DCC: variants seen among roughly 807,000 people sequenced by gnomAD.
The protein encoded by DCC is netrin receptor DCC.
DCC carries 58 observed loss-of-function variants against 172.5 expected under a neutral mutation model. The observed-to-expected ratio is 0.34, with a 90% CI of 0.27 to 0.42. The LOEUF is 0.42. Among genes scored for constraint, DCC ranks in the 10% least tolerant of loss-of-function variants. DCC has a pLI of 1.00. For synonymous variants in DCC, 709 were observed against 644.5 expected (o/e 1.10, Z -1.52); for missense variants, 1,740 against 1,791.0 (o/e 0.97, Z 0.51).
chr18:52,423,631 G>T (rs71367276), intron 1 of DCC, among the ~76,000 whole-genome samples: 1,550 of 152,226 alleles, frequency 0.01, 11 homozygotes, highest in Non-Finnish European at 0.016. Flanking sequence ...ATGACAATTG[G>T]TTTCTGTTTA....
intron 1 of DCC, among the ~76,000 whole-genome samples, chr18:52,610,402 A>AAG (rs1555703297): frequency 5.3e-5 from 7 of 131,262 alleles, no homozygotes; most frequent in African/African-American, 2.0e-4. Flanking sequence ...AAAAAAAAAA[A>AAG]AAAAAGAAAA....
intron 1 of DCC, among the ~76,000 whole-genome samples, chr18:52,520,703 GT>G (rs1161943154): frequency 1.3e-5 from 2 of 151,174 alleles, no homozygotes; most frequent in Non-Finnish European, 2.9e-5. Context: ...TTATGACAAG[GT>G]TTTTTTTAAG....
intron 2 of DCC, among the ~76,000 whole-genome samples, chr18:52,783,429 G>T (rs1434693005): frequency 7.1e-6 from 1 of 140,316 alleles, no homozygotes; most frequent in African/African-American, 2.8e-5. Flanking sequence ...TTTAATCTTG[G>T]CATCCACAGG....
At chr18:53,253,629 A>T (rs2056469283) in intron 12 of DCC, among the ~76,000 whole-genome samples, 1 of 152,042 alleles carries the variant, frequency 6.6e-6, no homozygotes, top group African/African-American at 2.4e-5. Flanking sequence ...AAAAATCACT[A>T]ATTAACTATT....
chr18:52,817,648 G>GA (rs1327573526), intron 2 of DCC, among the ~76,000 whole-genome samples: 26 of 151,946 alleles, frequency 1.7e-4, no homozygotes, highest in African/African-American at 5.5e-4. Flanking sequence ...TTTTCAAAAA[G>GA]AAAAAATGAA....
At chr18:53,208,494 A>G (rs749018498) in intron 11 of DCC, among the ~76,000 whole-genome samples, 9 of 130,380 alleles carry the variant, frequency 6.9e-5, no homozygotes, top group Non-Finnish European at 1.1e-4. Context: ...CAGATGATTA[A>G]AGGTGTAAAT....
At chr18:53,446,281 G>A (rs779036693) in intron 22 of DCC, among the ~76,000 whole-genome samples, 1 of 151,914 alleles carries the variant, frequency 6.6e-6, no homozygotes, top group Non-Finnish European at 1.5e-5. Flanking sequence ...GTGAGACCCT[G>A]TTTCTAAAAA....
chr18:52,993,505 A>G (rs2145626349), intron 5 of DCC, among the ~76,000 whole-genome samples: 1 of 151,060 alleles, frequency 6.6e-6, no homozygotes, highest in East Asian at 2.0e-4. Flanking sequence ...TTAAATGAGA[A>G]ACTCGGGTTC....
In DCC at chr18:52,899,100, C is replaced by A. The variant is rs757449331; in HGVS notation, c.413-6944C>A. 2.0e-5 allele frequency among the ~76,000 whole-genome samples: 3 copies of A among 152,148 alleles called. No individual in the cohort carries two copies. The East Asian group carries it at 5.8e-4, about 29-fold the overall frequency. ...ATGAAAGGATTTATTAGTCTCAGCT[C>A]TTTTCTGCTTTCCTGAAAAAAATCA... On this transcript the variant is annotated intron_variant, in intron 2 of 28. Coordinates refer to ENST00000442544, the MANE Select transcript of DCC (RefSeq NM_005215.4).
intron 7 of DCC, among the ~76,000 whole-genome samples, chr18:53,129,648 G>A (rs1363872520): frequency 6.6e-6 from 1 of 152,002 alleles, no homozygotes; most frequent in Non-Finnish European, 1.5e-5. Flanking sequence ...ATGGTTGTGT[G>A]TGTACCAATA....
At chr18:52,816,337 A>G (rs910798133) in intron 2 of DCC, among the ~76,000 whole-genome samples, 5 of 152,226 alleles carry the variant, frequency 3.3e-5, no homozygotes, top group African/African-American at 1.2e-4. Flanking sequence ...CTCTCCAGTC[A>G]ACGAAAACAT....
intron 11 of DCC, among the ~76,000 whole-genome samples, chr18:53,214,888 G>C (rs1172388962): frequency 6.6e-6 from 1 of 152,084 alleles, no homozygotes; most frequent in African/African-American, 2.4e-5. Flanking sequence ...CTATAAAGGA[G>C]TAGTTAAATA....
chr18:53,442,578 G>A (rs1912340477), intron 22 of DCC, among the ~76,000 whole-genome samples: 1 of 152,134 alleles, frequency 6.6e-6, no homozygotes, highest in African/African-American at 2.4e-5. Context: ...ACCCTACAAG[G>A]CTTCTAAGTG....
At chr18:53,520,840 C>G (rs1050605134) in intron 27 of DCC, among the ~76,000 whole-genome samples, 5 of 151,994 alleles carry the variant, frequency 3.3e-5, no homozygotes, top group African/African-American at 7.2e-5. Context: ...ATAAATCTCT[C>G]CTGGGAAATT....
intron 5 of DCC, among the ~76,000 whole-genome samples, chr18:52,929,018 A>G (rs537328806): frequency 4.6e-5 from 7 of 152,192 alleles, no homozygotes; most frequent in Admixed American, 4.6e-4. Flanking sequence ...TCATTAAGTT[A>G]TCTGTCATGT....
chr18:52,445,468 G>T (rs769185871), intron 1 of DCC, among the ~76,000 whole-genome samples: 5 of 152,214 alleles, frequency 3.3e-5, no homozygotes, highest in Non-Finnish European at 7.4e-5. Context: ...AAATTTAAGC[G>T]ACTGCATAAT....
chr18:53,396,411 T>C (rs1908948727), intron 17 of DCC, among the ~76,000 whole-genome samples: 1 of 152,184 alleles, frequency 6.6e-6, no homozygotes, highest in African/African-American at 2.4e-5. Flanking sequence ...AGAACTATAA[T>C]TTACTTTCTA....
chr18:52,978,296 G>C (rs9962094), intron 5 of DCC, among the ~76,000 whole-genome samples: 63,660 of 151,748 alleles, frequency 0.42, 13,859 homozygotes, highest in Middle Eastern at 0.5. Flanking sequence ...CAATGCTAGA[G>C]CCTTAGTTTA....
intron 16 of DCC, among the ~76,000 whole-genome samples, chr18:53,391,366 A>G (rs13381912): frequency 0.67 from 101,374 of 151,992 alleles, 36,853 homozygotes; most frequent in Non-Finnish European, 0.82. Context: ...TTTAAAAAAT[A>G]GTCTTTAAAA....
Sources: gnomAD v4.1 joint callset for allele counts (sites outside exome capture counted in the v4.1 genomes callset) on GRCh38, gnomAD v4.1.1 for gene constraint, MANE v1.5 for transcripts, NCBI Gene and HGNC (gene_info 2026-07-23, HGNC 2026-07-21) for gene names.